Variants in GRIK1 observed in about 807,000 individuals in gnomAD.
GRIK1 encodes glutamate ionotropic receptor kainate type subunit 1, also known as glutamate receptor ionotropic, kainate 1.
GRIK1 carries 69 observed loss-of-function variants against 105.7 expected under a neutral mutation model. The observed-to-expected ratio is 0.65, with a 90% CI of 0.54 to 0.80. The LOEUF is 0.80. Among genes scored for constraint, GRIK1 ranks in the 30% least tolerant of loss-of-function variants. GRIK1 has a pLI of 0.00. For synonymous variants in GRIK1, 438 were observed against 431.3 expected (o/e 1.02, Z -0.19); for missense variants, 1,109 against 1,167.3 (o/e 0.95, Z 0.73).
At chr21:29,592,153 C>G (rs2061342808) in intron 9 of GRIK1, among the ~76,000 whole-genome samples, 1 of 152,150 alleles carries the variant, frequency 6.6e-6, no homozygotes, top group Non-Finnish European at 1.5e-5. Context: ...TTTGAGGAGC[C>G]AAAGCTGGGC....
chr21:29,778,051 T>C (rs2065995337), intron 1 of GRIK1, among the ~76,000 whole-genome samples: 1 of 152,150 alleles, frequency 6.6e-6, no homozygotes, highest in Non-Finnish European at 1.5e-5. Context: ...TAAAAACGTA[T>C]CTGAATCATA....
At chr21:29,554,365 A>G (rs2090195222) in intron 16 of GRIK1, among the ~76,000 whole-genome samples, 1 of 152,206 alleles carries the variant, frequency 6.6e-6, no homozygotes, top group Non-Finnish European at 1.5e-5. Flanking sequence ...AGCCTTTTCA[A>G]AAGAGTGTAA....
Position 29,764,479 on chromosome 21 carries a change from A to G in GRIK1, c.119-70416T>C, listed in dbSNP as rs149596117. ...CATAAAAAAGTAATTTCCCTATTGC[A>G]AAGTCATCTAAAATTTTGTGTCAGC... On this transcript the variant is annotated intron_variant, in intron 1 of 17. Transcript: ENST00000327783. Among the ~76,000 whole-genome samples the G allele has an allele frequency of 2.0e-3, 301 of 152,280 alleles. 1 individual carries two copies. Among genetic ancestry groups the G allele is most frequent in the African/African-American group, 6.9e-3 (287 of 41,550 alleles).
chr21:29,647,416 T>C (rs1364917999), intron 6 of GRIK1, among the ~76,000 whole-genome samples: 4 of 152,214 alleles, frequency 2.6e-5, no homozygotes, highest in Non-Finnish European at 5.9e-5. Flanking sequence ...CAGCTGCCTG[T>C]TTTCTTTCAT....
intron 1 of GRIK1, among the ~76,000 whole-genome samples, chr21:29,773,651 C>T (rs1042336835): frequency 2.0e-5 from 3 of 152,030 alleles, no homozygotes; most frequent in African/African-American, 4.8e-5. Context: ...AACAACCTCT[C>T]GTACACCATA....
chr21:29,684,184 G>A (rs901034427), intron 3 of GRIK1, among the ~76,000 whole-genome samples: 1 of 152,158 alleles, frequency 6.6e-6, no homozygotes, highest in Admixed American at 6.5e-5. Context: ...ATTTTTGTGT[G>A]TGGTTTATCC....
intron 1 of GRIK1, among the ~76,000 whole-genome samples, chr21:29,709,688 A>G (rs184004194): frequency 1.3e-5 from 2 of 152,174 alleles, no homozygotes; most frequent in Admixed American, 6.5e-5. Context: ...ATAGTTTTCA[A>G]AAACAAATCA....
intron 1 of GRIK1, among the ~76,000 whole-genome samples, chr21:29,706,018 C>T (rs887032944): frequency 2.5e-4 from 38 of 151,866 alleles, no homozygotes; most frequent in Non-Finnish European, 5.0e-4. Flanking sequence ...GTACTACAGG[C>T]GTGTGCCACC....
chr21:29,892,939 T>G (rs572761761), intron 1 of GRIK1, among the ~76,000 whole-genome samples: 62 of 152,236 alleles, frequency 4.1e-4, no homozygotes, highest in African/African-American at 1.4e-3. Context: ...TTTGGGAGGC[T>G]TAGGCGGGTG....
chr21:29,570,597 C>T (rs150719567), intron 14 of GRIK1, among the ~76,000 whole-genome samples: 5 of 152,200 alleles, frequency 3.3e-5, no homozygotes, highest in African/African-American at 1.2e-4. Flanking sequence ...AATTTGATGC[C>T]GATCGCCTCA....
chr21:29,586,620 GATAAA>G (rs1240123464), intron 12 of GRIK1, among the ~76,000 whole-genome samples: 5 of 152,134 alleles, frequency 3.3e-5, no homozygotes, highest in Admixed American at 1.3e-4. Flanking sequence ...CCAACAGAAA[GATAAA>G]ATAACTGTTT....
intron 1 of GRIK1, among the ~76,000 whole-genome samples, chr21:29,735,711 A>G (rs1344842734): frequency 2.0e-5 from 3 of 152,050 alleles, no homozygotes; most frequent in African/African-American, 7.3e-5. Context: ...AGCCTGACCA[A>G]TATGGCAAAA....
intron 7 of GRIK1, among the ~76,000 whole-genome samples, chr21:29,632,698 T>C (rs1361317705): frequency 6.6e-6 from 1 of 152,164 alleles, no homozygotes; most frequent in Non-Finnish European, 1.5e-5. Flanking sequence ...TTAATCAATG[T>C]GGGGTAGAAC....
At chr21:29,894,706 C>T (rs2070051803) in intron 1 of GRIK1, among the ~76,000 whole-genome samples, 1 of 152,130 alleles carries the variant, frequency 6.6e-6, no homozygotes, top group African/African-American at 2.4e-5. Flanking sequence ...CAACTATGTG[C>T]ACTTTAGCCT....
At chr21:29,862,233 T>G (rs995295551) in intron 1 of GRIK1, among the ~76,000 whole-genome samples, 5 of 152,146 alleles carry the variant, frequency 3.3e-5, no homozygotes, top group African/African-American at 1.2e-4. Flanking sequence ...AGCAACCCTC[T>G]TGCCTTGACC....
At chr21:29,565,537 A>G (rs1340211131) in intron 14 of GRIK1, among the ~76,000 whole-genome samples, 1 of 152,148 alleles carries the variant, frequency 6.6e-6, no homozygotes, top group Admixed American at 6.5e-5. Flanking sequence ...GGTTCAAATG[A>G]TTCTCCGGCC....
intron 1 of GRIK1, among the ~76,000 whole-genome samples, chr21:29,929,177 G>T (rs1165269648): frequency 6.6e-6 from 1 of 152,150 alleles, no homozygotes; most frequent in Non-Finnish European, 1.5e-5. Context: ...ACTAGTCTCC[G>T]ATAAAGGGTT....
At chr21:29,723,040 A>T (rs924803088) in intron 1 of GRIK1, among the ~76,000 whole-genome samples, 1 of 152,196 alleles carries the variant, frequency 6.6e-6, no homozygotes, top group Non-Finnish European at 1.5e-5. Flanking sequence ...ATTTGGGTCC[A>T]ACACAGTAGC....
intron 1 of GRIK1, among the ~76,000 whole-genome samples, chr21:29,922,601 T>C (rs1384879703): frequency 6.6e-6 from 1 of 152,190 alleles, no homozygotes; most frequent in South Asian, 2.1e-4. Flanking sequence ...AATGAACTTT[T>C]CATTTTTCTT....
Sources: allele counts gnomAD v4.1 joint callset (sites outside exome capture counted in the v4.1 genomes callset), GRCh38; gene constraint gnomAD v4.1.1; transcripts MANE v1.5; gene names NCBI Gene and HGNC (gene_info 2026-07-23, HGNC 2026-07-21).